The following KCNMB2 variants were observed in gnomAD, a reference collection of about 807,000 sequenced individuals.
KCNMB2 encodes the protein calcium-activated potassium channel subunit beta-2.
KCNMB2 carries 9 observed loss-of-function variants against 24.5 expected under a neutral mutation model. The observed-to-expected ratio is 0.37, with a 90% CI of 0.22 to 0.64. KCNMB2 has a LOEUF of 0.64. KCNMB2 is among the 30% of genes least tolerant of loss of function. KCNMB2 has a pLI of 0.63. For missense variants in KCNMB2, 226 were observed against 284.3 expected (o/e 0.79, Z 1.47); for synonymous variants, 109 against 104.4 (o/e 1.04, Z -0.27).
At chr3:178,761,909 C>T (rs1475781821) in intron 1 of KCNMB2, among the ~76,000 whole-genome samples, 1 of 152,170 alleles carries the variant, frequency 6.6e-6, no homozygotes, top group Non-Finnish European at 1.5e-5. Flanking sequence ...TGGTGGTTCA[C>T]GCCTGTAACC....
intron 1 of KCNMB2, among the ~76,000 whole-genome samples, chr3:178,745,326 T>C (rs1308526269): frequency 6.6e-6 from 1 of 152,148 alleles, no homozygotes; most frequent in African/African-American, 2.4e-5. Context: ...AGAACTCGTA[T>C]AGGAGAACTC....
intron 1 of KCNMB2, among the ~76,000 whole-genome samples, chr3:178,572,927 C>T (rs763372425): frequency 6.6e-5 from 10 of 152,074 alleles, no homozygotes; most frequent in Admixed American, 5.9e-4. Context: ...TAGGTTTTTT[C>T]ATTTATTTAC....
At chr3:178,786,706 G>A (rs1713113956) in intron 1 of KCNMB2, among the ~76,000 whole-genome samples, 2 of 151,872 alleles carry the variant, frequency 1.3e-5, no homozygotes, top group Non-Finnish European at 2.9e-5. Context: ...CCTGCACGTT[G>A]TGCACATGTA....
At chr3:178,642,371 A>C (rs6443553) in intron 1 of KCNMB2, among the ~76,000 whole-genome samples, 56,508 of 152,100 alleles carry the variant, frequency 0.37, 11,340 homozygotes, top group African/African-American at 0.53. Flanking sequence ...AGTCCTGGAC[A>C]AATAAGATGA....
In KCNMB2 at chr3:178,559,577, A is replaced by G. The variant is rs1034973965; in HGVS notation, c.-68+22866A>G. 3.3e-5 allele frequency among the ~76,000 whole-genome samples: 5 copies of G among 151,206 alleles called. 1 individual carries two copies. Among genetic ancestry groups the G allele is most frequent in the African/African-American group, 1.2e-4 (5 of 41,038 alleles). On this transcript the variant is annotated intron_variant, in intron 1 of 4. Transcript: ENST00000452583. ...AGTCTTCACTGGTATTAATTATCCA[A>G]ATATGTATTTTATATCACTAATTAA...
chr3:178,697,897 AG>A (rs1017610010), intron 1 of KCNMB2, among the ~76,000 whole-genome samples: 7 of 74,466 alleles, frequency 9.4e-5, no homozygotes, highest in African/African-American at 5.9e-4. Flanking sequence ...CTGGGTTAAA[AG>A]TTTTTTTTTT....
intron 1 of KCNMB2, among the ~76,000 whole-genome samples, chr3:178,716,232 C>T (rs1351347363): frequency 6.6e-6 from 1 of 152,182 alleles, no homozygotes; most frequent in Non-Finnish European, 1.5e-5. Context: ...TACATAATAA[C>T]ATTGATAGTA....
chr3:178,755,435 A>G lies in KCNMB2; in HGVS notation c.-67-51908A>G, dbSNP rs185264522. On this transcript the variant is annotated intron_variant, in intron 1 of 4. Transcript: ENST00000452583. Reference sequence around the variant, plus strand: ...AATTTTTGTTTAAAGCTTAATGTAGAGTAGGAAAATGTATTTTACTATCTT... The same window carrying G: ...AATTTTTGTTTAAAGCTTAATGTAGGGTAGGAAAATGTATTTTACTATCTT... Among the ~76,000 whole-genome samples, 314 of 152,350 alleles carry G rather than the reference A, an allele frequency of 2.1e-3. 2 individuals are homozygous for G. The highest frequency in any genetic ancestry group is 6.9e-3 in the African/African-American group (288 of 41,580).
At chr3:178,779,857 A>G (rs1400827903) in intron 1 of KCNMB2, among the ~76,000 whole-genome samples, 2 of 152,158 alleles carry the variant, frequency 1.3e-5, no homozygotes, top group African/African-American at 4.8e-5. Flanking sequence ...TAATTCTACT[A>G]TACCATCCTC....
At chr3:178,620,642 C>T (rs75833987) in intron 1 of KCNMB2, among the ~76,000 whole-genome samples, 35 of 152,290 alleles carry the variant, frequency 2.3e-4, no homozygotes, top group Non-Finnish European at 4.4e-4. Flanking sequence ...TACCAGGTTC[C>T]CACCTCTTCA....
chr3:178,784,427 T>C (rs1298672441), intron 1 of KCNMB2, among the ~76,000 whole-genome samples: 1 of 152,094 alleles, frequency 6.6e-6, no homozygotes, highest in Non-Finnish European at 1.5e-5. Flanking sequence ...CTTTTAGGAG[T>C]ATATGTGTCC....
At position 178,702,523 on chromosome 3, in the gene KCNMB2, G is replaced by T. The variant is rs73047885; in HGVS notation, c.-67-104820G>T. Among the ~76,000 whole-genome samples, 260 of 152,000 alleles carry T rather than the reference G, an allele frequency of 1.7e-3. 1 individual carries two copies. The highest frequency in any genetic ancestry group is 6.0e-3 in the African/African-American group (248 of 41,454). ...TTTGCCTGGTTGAGTGTGAAACTGA[G>T]CCCCACTGAGCTGTATTACAAGAGC... On this transcript the variant is annotated intron_variant, in intron 1 of 4. Transcript: ENST00000452583.
At chr3:178,751,247 G>C (rs1723836223) in intron 1 of KCNMB2, among the ~76,000 whole-genome samples, 1 of 152,048 alleles carries the variant, frequency 6.6e-6, no homozygotes, top group South Asian at 2.1e-4. Context: ...ATAGTTCAGA[G>C]ACAAATAGAT....
chr3:178,829,515 G>A (rs539070413), intron 4 of KCNMB2, among the ~76,000 whole-genome samples: 1 of 152,218 alleles, frequency 6.6e-6, no homozygotes, highest in South Asian at 2.1e-4. Flanking sequence ...GAAAATGCTG[G>A]CTCTGATTTT....
At chr3:178,579,985 T>C (rs900415001) in intron 1 of KCNMB2, among the ~76,000 whole-genome samples, 20 of 151,908 alleles carry the variant, frequency 1.3e-4, no homozygotes, top group African/African-American at 4.6e-4. Context: ...TTCCAAACAA[T>C]AGAAAAAGAG....
At chr3:178,765,141 G>T (rs1054457172) in intron 1 of KCNMB2, among the ~76,000 whole-genome samples, 2 of 152,146 alleles carry the variant, frequency 1.3e-5, no homozygotes, top group African/African-American at 4.8e-5. Flanking sequence ...TCAGGTAATG[G>T]TGCTGTGTCT....
At position 178,842,947 on chromosome 3, in the gene KCNMB2, T is replaced by C; in HGVS notation, c.*10T>C. The stretch of plus-strand genomic sequence containing the variant: ...ACGGATCAATAGATAAATGCAAAAA[T>C]GGATAAAATAATTTTTGTTAAAGCT... On this transcript the variant is annotated 3_prime_UTR_variant, in exon 5 of 5. Transcript: ENST00000452583. 1.3e-6 allele frequency: 2 copies of C among 1,587,232 alleles called. No individual in the cohort carries two copies. The highest frequency in any genetic ancestry group is 1.7e-6 in the Non-Finnish European group (2 of 1,166,206).
At position 178,825,659 on chromosome 3, in the gene KCNMB2, G is replaced by T; in HGVS notation, c.128G>T (p.Gly43Val). The T allele has an allele frequency of 6.2e-7, 1 of 1,614,044 alleles. No homozygotes were observed. ...KRKTVTALKA[G>V]EDRAILLGLA... is the part of the protein sequence containing the mutation. ...AAAACAGTCACAGCACTGAAGGCAGGAGAGGACCGAGCTATTCTCCTGGGA... is the reference window on the plus strand; with the variant it reads ...AAAACAGTCACAGCACTGAAGGCAGTAGAGGACCGAGCTATTCTCCTGGGA... Residue 43 changes from glycine (G) to valine (V), a missense_variant, in exon 3 of 5, where the codon GGA (glycine) becomes GTA (valine). Coordinates refer to ENST00000452583, the MANE Select transcript of KCNMB2 (RefSeq NM_181361.3).
At chr3:178,681,952 TATCCCCAA>T (rs1220143514) in intron 1 of KCNMB2, among the ~76,000 whole-genome samples, 1 of 152,182 alleles carries the variant, frequency 6.6e-6, no homozygotes, top group Non-Finnish European at 1.5e-5. Flanking sequence ...CCACTCTCAG[TATCCCCAA>T]GGCTTTTGGT....
Sources: allele counts gnomAD v4.1 joint callset (sites outside exome capture counted in the v4.1 genomes callset), GRCh38; gene constraint gnomAD v4.1.1; transcripts MANE v1.5; gene names NCBI Gene and HGNC (gene_info 2026-07-23, HGNC 2026-07-21).